The following DIP2B variants were observed in gnomAD, a reference collection of about 807,000 sequenced individuals.
DIP2B encodes DIP2 acetate--CoA ligase B (putative).
DIP2B carries 76 observed loss-of-function variants against 198.0 expected under a neutral mutation model. The observed-to-expected ratio is 0.38, with a 90% CI of 0.32 to 0.46. The LOEUF (loss-of-function observed/expected upper bound fraction) is 0.46, where lower values mean the gene tolerates loss of function less well. DIP2B is among the 20% of genes least tolerant of loss of function. The pLI is 0.99. For synonymous variants in DIP2B, 701 were observed against 739.1 expected (o/e 0.95, Z 0.84); for missense variants, 1,559 against 1,978.4 (o/e 0.79, Z 4.02).
At chr12:50,566,352 C>T (rs569750965) in intron 1 of DIP2B, among the ~76,000 whole-genome samples, 28 of 152,256 alleles carry the variant, frequency 1.8e-4, no homozygotes, top group African/African-American at 5.8e-4. Flanking sequence ...TAGTACTTTT[C>T]TCTTGGCATT....
At chr12:50,599,945 C>T (rs899517528) in intron 1 of DIP2B, among the ~76,000 whole-genome samples, 3 of 152,114 alleles carry the variant, frequency 2.0e-5, no homozygotes, top group Admixed American at 6.6e-5. Context: ...TAAGGACATC[C>T]GTATTTATAT....
At chr12:50,589,089 C>G (rs922089166) in intron 1 of DIP2B, among the ~76,000 whole-genome samples, 6 of 151,902 alleles carry the variant, frequency 3.9e-5, no homozygotes, top group African/African-American at 1.4e-4. Context: ...GAGGCTGAGG[C>G]AGGAGAATGG....
intron 2 of DIP2B, among the ~76,000 whole-genome samples, chr12:50,632,890 G>T (rs1938086936): frequency 6.6e-6 from 1 of 151,888 alleles, no homozygotes; most frequent in Non-Finnish European, 1.5e-5. Context: ...TTATTACTGG[G>T]ATTATTGTGT....
intron 28 of DIP2B, among the ~76,000 whole-genome samples, chr12:50,725,732 A>T (rs889195906): frequency 2.0e-5 from 3 of 152,106 alleles, no homozygotes; most frequent in African/African-American, 7.2e-5. Context: ...GTAAGTTGCT[A>T]TTTTTATCCT....
chr12:50,741,294 T>C (rs1565887949), intron 36 of DIP2B, 122 bp from the exon 37 acceptor site: 1 of 1,244,288 alleles, frequency 8.0e-7, no homozygotes, highest in Non-Finnish European at 1.1e-6. Context: ...TTGCCCAGAG[T>C]TACACAGTTG....
At chr12:50,590,694 A>G (rs1382366919) in intron 1 of DIP2B, among the ~76,000 whole-genome samples, 1 of 152,204 alleles carries the variant, frequency 6.6e-6, no homozygotes, top group Admixed American at 6.5e-5. Context: ...TTGTCACAGC[A>G]TCTGCTACTA....
Position 50,732,418 on chromosome 12 carries a change from A to T in DIP2B, c.3863A>T (p.Glu1288Val). 1 of 1,614,190 alleles carries T rather than the reference A, an allele frequency of 6.2e-7. No individual in the cohort carries two copies. Among genetic ancestry groups the T allele is most frequent in the East Asian group, 2.2e-5 (1 of 44,882 alleles). ...CVRTCVVVAE[E>V]RPRVALQQSF... is the part of the protein sequence containing the mutation. ...CGGACCTGTGTGGTGGTGGCGGAGGAGAGGCCCCGCGTTGCACTCCAGCAG... is the reference window on the plus strand; with the variant it reads ...CGGACCTGTGTGGTGGTGGCGGAGGTGAGGCCCCGCGTTGCACTCCAGCAG... The change falls in exon 32 of 38, where the codon GAG (glutamate) becomes GTG (valine). Residue 1288 changes from glutamate (E) to valine (V), a missense_variant. By Grantham distance (121) the Glu-to-Val change is moderately radical. Coordinates refer to ENST00000301180, the MANE Select transcript of DIP2B (RefSeq NM_173602.3).
At chr12:50,681,066 A>T (rs1309276928) in intron 9 of DIP2B, among the ~76,000 whole-genome samples, 1 of 152,186 alleles carries the variant, frequency 6.6e-6, no homozygotes, top group Non-Finnish European at 1.5e-5. Context: ...GAATCTTTAG[A>T]CAATAAGAAA....
chr12:50,698,970 A>G, intron 18 of DIP2B, 96 bp from the exon 19 acceptor site: 2 of 1,427,688 alleles, frequency 1.4e-6, no homozygotes, highest in African/African-American at 1.4e-5. Flanking sequence ...GCCACTCAGT[A>G]AAGGCAGGAC....
At chr12:50,743,351 G>T (rs182360635) in intron 37 of DIP2B, among the ~76,000 whole-genome samples, 5 of 152,166 alleles carry the variant, frequency 3.3e-5, no homozygotes, top group African/African-American at 1.2e-4. Context: ...AAAGTGCTGG[G>T]ATTACAGGCG....
rs748583208 is a variant in DIP2B at position 50,745,319 on chromosome 12, A to G, written c.*480A>G. 50 of 165,094 alleles carry G rather than the reference A, an allele frequency of 3.0e-4. No homozygotes were observed. The highest frequency in any genetic ancestry group is 5.1e-4 in the Non-Finnish European group (38 of 74,528). The allele number at this position is 165,094 out of a possible 1,614,324, so 10.2% of individuals were successfully genotyped here. A position where few individuals can be genotyped will look rare whatever the true frequency, so the allele number is the denominator to read the frequency against. On this transcript the variant is annotated 3_prime_UTR_variant, in exon 38 of 38. Coordinates refer to ENST00000301180, the MANE Select transcript of DIP2B (RefSeq NM_173602.3). ...TTCAGTCAACCCATAAGCAAATCAG[A>G]TAACCCACTGACTATGAGAATTACT...
rs150613894 is a variant in DIP2B, at chr12:50,508,615, C to T, written c.100+3375C>T. Among the ~76,000 whole-genome samples the T allele has an allele frequency of 1.9e-3, 282 of 152,272 alleles. 5 individuals carry two copies. In the East Asian group the frequency reaches 0.021, roughly 11 times the overall value. On this transcript the variant is annotated intron_variant, in intron 1 of 37. Coordinates refer to ENST00000301180, the MANE Select transcript of DIP2B (RefSeq NM_173602.3). ...CTGCATACCTAATAAGTGTCGTTAT[C>T]CTAAGCTGTCATGTGACGATGACAT...
intron 1 of DIP2B, among the ~76,000 whole-genome samples, chr12:50,559,114 G>A (rs1958495797): frequency 6.6e-6 from 1 of 152,090 alleles, no homozygotes; most frequent in South Asian, 2.1e-4. Flanking sequence ...TACCAAGGTG[G>A]ATTCAGTTCT....
intron 5 of DIP2B, 39 bp downstream of exon 5, chr12:50,671,437 C>A: frequency 6.3e-7 from 1 of 1,592,402 alleles, no homozygotes. Flanking sequence ...AAATTACATT[C>A]CATTTGGCTC....
intron 1 of DIP2B, among the ~76,000 whole-genome samples, chr12:50,577,548 T>TA (rs569188099): frequency 6.6e-6 from 1 of 150,528 alleles, no homozygotes; most frequent in Non-Finnish European, 1.5e-5. Flanking sequence ...ATAAAAAAAA[T>TA]AAAAAAAAGT....
intron 2 of DIP2B, among the ~76,000 whole-genome samples, chr12:50,630,961 G>A (rs1018268657): frequency 6.6e-6 from 1 of 152,016 alleles, no homozygotes; most frequent in Non-Finnish European, 1.5e-5. Context: ...GTGAGCCACC[G>A]TGCCTGGCCA....
Position 50,569,501 on chromosome 12 carries a change from C to T in DIP2B, c.101-56475C>T, listed in dbSNP as rs145161366. 1.8e-4 allele frequency among the ~76,000 whole-genome samples: 27 copies of T among 152,278 alleles called. 1 individual carries two copies. Among genetic ancestry groups the T allele is most frequent in the South Asian group, 1.0e-3 (5 of 4,820 alleles). On this transcript the variant is annotated intron_variant, in intron 1 of 37. Coordinates refer to ENST00000301180, the MANE Select transcript of DIP2B (RefSeq NM_173602.3). ...GTTAATTCCACCATCCTGAATTGTT[C>T]GTTGGGCTCCTTCCTTTGGCCTGCT...
chr12:50,660,720 C>T (rs1225533695), intron 4 of DIP2B, among the ~76,000 whole-genome samples: 1 of 152,108 alleles, frequency 6.6e-6, no homozygotes, highest in Non-Finnish European at 1.5e-5. Context: ...CCAAATGCTT[C>T]GTCTCTGCAG....
chr12:50,604,615 GC>G (rs1421198341), intron 1 of DIP2B, among the ~76,000 whole-genome samples: 1 of 152,148 alleles, frequency 6.6e-6, no homozygotes, highest in African/African-American at 2.4e-5. Context: ...ATGCTGCCAT[GC>G]CTGGCTAATT....
Sources: allele counts gnomAD v4.1 joint callset (sites outside exome capture counted in the v4.1 genomes callset), GRCh38; gene constraint gnomAD v4.1.1; transcripts MANE v1.5; gene names NCBI Gene and HGNC (gene_info 2026-07-23, HGNC 2026-07-21).